Variants in ENPP6 observed in about 807,000 individuals in gnomAD.
ENPP6 encodes glycerophosphocholine cholinephosphodiesterase ENPP6.
In ENPP6, 32 loss-of-function variants were observed where a neutral mutation model predicts 42.0. The observed-to-expected ratio is 0.76, with a 90% confidence interval of 0.58 to 1.02. ENPP6 has a LOEUF of 1.02. ENPP6 is among the 50% of genes least tolerant of loss of function. The pLI, the probability that ENPP6 is intolerant of heterozygous loss-of-function variation, is 0.00. For missense variants in ENPP6, 552 were observed against 566.8 expected, an observed-to-expected ratio of 0.97 and a Z score of 0.27; for synonymous variants, 213 against 216.0, an observed-to-expected ratio of 0.99 and a Z score of 0.12.
intron 1 of ENPP6, among the ~76,000 whole-genome samples, chr4:184,196,182 A>C (rs1315342261): frequency 6.6e-6 from 1 of 152,226 alleles, no homozygotes; most frequent in Non-Finnish European, 1.5e-5. Context: ...CCAGGTTTCA[A>C]GCTGTCCGGA....
chr4:184,099,727 C>T (rs908451585), intron 6 of ENPP6, among the ~76,000 whole-genome samples: 7 of 152,186 alleles, frequency 4.6e-5, no homozygotes, highest in Admixed American at 1.3e-4. Flanking sequence ...AGCTGTGGTT[C>T]GTGTTTTTCC....
At chr4:184,167,124 T>C (rs1356775276) in intron 1 of ENPP6, among the ~76,000 whole-genome samples, 1 of 152,210 alleles carries the variant, frequency 6.6e-6, no homozygotes, top group Non-Finnish European at 1.5e-5. Flanking sequence ...CTTTTCTTTC[T>C]TTATTTTTTG....
In ENPP6 at chr4:184,124,867, C is replaced by T. The variant is rs559071830; in HGVS notation, c.422-595G>A. On this transcript the variant is annotated intron_variant, in intron 2 of 7. Transcript: ENST00000296741. ...CAGAGTGAAAGAATCAAACTCATTC[C>T]GATGTGAACAGACTCAGCTTTTCTG... 5.3e-5 allele frequency among the ~76,000 whole-genome samples: 8 copies of T among 152,286 alleles called. No individual in the cohort carries two copies. In the South Asian group the frequency reaches 6.2e-4, roughly 12 times the overall value.
At chr4:184,114,370 C>T (rs1293800261) in intron 5 of ENPP6, among the ~76,000 whole-genome samples, 1 of 152,206 alleles carries the variant, frequency 6.6e-6, no homozygotes, top group Non-Finnish European at 1.5e-5. Flanking sequence ...GCATATATTT[C>T]TGGGCATCAC....
intron 6 of ENPP6, among the ~76,000 whole-genome samples, chr4:184,108,251 G>A (rs374460470): frequency 6.1e-4 from 93 of 152,280 alleles, no homozygotes; most frequent in Admixed American, 1.8e-3. Flanking sequence ...TCTGCCAGCC[G>A]AACTCAGACC....
intron 6 of ENPP6, among the ~76,000 whole-genome samples, chr4:184,104,135 A>G (rs13132377): frequency 0.98 from 148,631 of 152,150 alleles, 72,671 homozygotes; most frequent in East Asian, 1. Context: ...GCAGCTTCCC[A>G]CCCCACATCT....
Position 184,090,897 on chromosome 4 carries a change from A to ATCT in ENPP6, c.*279_*280insAGA, listed in dbSNP as rs1735777295. The stretch of plus-strand genomic sequence containing the variant: ...GCTGCAGGAGCAGGTCCCTGCTCAG[A>ATCT]GAGTTCATCCTGAGTAACGTGAAAA... On this transcript the variant is annotated 3_prime_UTR_variant, in exon 8 of 8. Coordinates refer to ENST00000296741, the MANE Select transcript of ENPP6 (RefSeq NM_153343.4). The ATCT allele has an allele frequency of 6.8e-6, 3 of 443,738 alleles. No homozygotes were observed. The highest frequency in any genetic ancestry group is 6.1e-5 in the African/African-American group (3 of 49,234). 27.5% of individuals were successfully genotyped at this position (443,738 alleles called of 1,614,324 possible).
At chr4:184,186,375 A>G (rs1309629181) in intron 1 of ENPP6, among the ~76,000 whole-genome samples, 1 of 152,234 alleles carries the variant, frequency 6.6e-6, no homozygotes, top group Non-Finnish European at 1.5e-5. Flanking sequence ...CAAAGCTAAA[A>G]AGACGCAAAG....
intron 1 of ENPP6, among the ~76,000 whole-genome samples, chr4:184,178,429 C>T (rs866739388): frequency 1.3e-5 from 2 of 152,232 alleles, no homozygotes; most frequent in Middle Eastern, 3.4e-3. Flanking sequence ...GAGAATGGAA[C>T]CAAGCTGGAA....
intron 1 of ENPP6, among the ~76,000 whole-genome samples, chr4:184,173,751 CTG>C (rs1160923544): frequency 6.6e-6 from 1 of 152,180 alleles, no homozygotes; most frequent in Non-Finnish European, 1.5e-5. Context: ...TCTGGAGTAT[CTG>C]TTGTTTTCCA....
At chr4:184,152,030 A>G (rs1394798844) in intron 2 of ENPP6, among the ~76,000 whole-genome samples, 1 of 149,438 alleles carries the variant, frequency 6.7e-6, no homozygotes, top group Non-Finnish European at 1.5e-5. Flanking sequence ...ATTGTGATCA[A>G]CCCCCCTGAA....
intron 1 of ENPP6, among the ~76,000 whole-genome samples, chr4:184,159,592 A>G (rs1337089340): frequency 6.6e-6 from 1 of 152,216 alleles, no homozygotes; most frequent in East Asian, 1.9e-4. Flanking sequence ...TAGTCAATAT[A>G]CTGTGGTAAC....
chr4:184,209,332 CT>C (rs1208380453), intron 1 of ENPP6, among the ~76,000 whole-genome samples: 3 of 147,012 alleles, frequency 2.0e-5, no homozygotes, highest in Non-Finnish European at 3.0e-5. Context: ...AAGTTGAAAA[CT>C]TTGAAAAAAA....
chr4:184,140,880 A>C lies in ENPP6; in HGVS notation c.421+12674T>G, dbSNP rs559167435. On this transcript the variant is annotated intron_variant, in intron 2 of 7. Coordinates refer to ENST00000296741, the MANE Select transcript of ENPP6 (RefSeq NM_153343.4). ...AAAAGCAATGGCAACCAAAGCCAAA[A>C]TTGACAAATGGGATCTAATTAAACT... is the stretch of plus-strand genomic sequence containing the variant. Among the ~76,000 whole-genome samples, 100 of 140,216 alleles carry C rather than the reference A, an allele frequency of 7.1e-4. 2 individuals carry two copies. In the East Asian group the frequency reaches 0.019, roughly 27 times the overall value. 92.0% of individuals were successfully genotyped at this position (140,216 alleles called of 152,430 possible). A position where few individuals can be genotyped will look rare whatever the true frequency, so the allele number is the denominator to read the frequency against.
intron 6 of ENPP6, among the ~76,000 whole-genome samples, chr4:184,105,931 C>A (rs1736081546): frequency 6.6e-6 from 1 of 152,168 alleles, no homozygotes; most frequent in South Asian, 2.1e-4. Flanking sequence ...TAACTCTGTT[C>A]TTCCCATGAG....
intron 7 of ENPP6, among the ~76,000 whole-genome samples, chr4:184,093,787 A>G (rs1366780930): frequency 6.6e-6 from 1 of 152,076 alleles, no homozygotes; most frequent in Non-Finnish European, 1.5e-5. Context: ...ACACTTCCCT[A>G]TCCGAGGAAT....
At chr4:184,123,630 C>T (rs142709052) in intron 3 of ENPP6, among the ~76,000 whole-genome samples, 13 of 152,246 alleles carry the variant, frequency 8.5e-5, no homozygotes, top group African/African-American at 2.9e-4. Flanking sequence ...TTGACAGACT[C>T]TTGTGTGCTA....
chr4:184,151,434 C>G (rs748453423), intron 2 of ENPP6, among the ~76,000 whole-genome samples: 2 of 152,226 alleles, frequency 1.3e-5, no homozygotes, highest in Non-Finnish European at 2.9e-5. Context: ...GATCTCCTCC[C>G]ACTTGGCTGT....
chr4:184,106,219 G>C (rs1736090255), intron 6 of ENPP6, among the ~76,000 whole-genome samples: 1 of 152,072 alleles, frequency 6.6e-6, no homozygotes, highest in Non-Finnish European at 1.5e-5. Flanking sequence ...ATTTTTAGTA[G>C]AGACAGGGTT....
Sources: allele counts gnomAD v4.1 joint callset (sites outside exome capture counted in the v4.1 genomes callset), GRCh38; gene constraint gnomAD v4.1.1; transcripts MANE v1.5; gene names NCBI Gene and HGNC (gene_info 2026-07-23, HGNC 2026-07-21).